Variants in PCDH15 observed in about 807,000 individuals in gnomAD.
PCDH15 encodes the protein protocadherin related 15.
Under a neutral mutation model 178.5 loss-of-function variants are expected in PCDH15, and 129 were observed. The observed-to-expected ratio is 0.72, with a 90% CI of 0.63 to 0.84. The LOEUF (loss-of-function observed/expected upper bound fraction) is 0.84. Among genes scored for constraint, PCDH15 ranks in the 40% least tolerant of loss-of-function variants. The probability of loss-of-function intolerance (pLI) is 0.00; values close to 1 mark genes in which losing one functional copy is unlikely to be tolerated. For missense variants in PCDH15, 2,230 were observed against 2,099.9 expected (o/e 1.06, Z -1.21); for synonymous variants, 800 against 732.0 (o/e 1.09, Z -1.50).
chr10:55,345,069 T>G (rs1178834180), intron 2 of PCDH15, among the ~76,000 whole-genome samples: 1 of 151,974 alleles, frequency 6.6e-6, no homozygotes, highest in Admixed American at 6.6e-5. Context: ...TCTCTTACTA[T>G]ATCTCTATAT....
chr10:54,664,787 T>C (rs1206876046), intron 1 of PCDH15, among the ~76,000 whole-genome samples: 2 of 151,864 alleles, frequency 1.3e-5, no homozygotes, highest in Admixed American at 6.6e-5. Context: ...GATCAGAGAT[T>C]GACTTAACTA....
chr10:55,159,136 T>C (rs1384730230), intron 2 of PCDH15, among the ~76,000 whole-genome samples: 4 of 151,848 alleles, frequency 2.6e-5, no homozygotes, highest in Admixed American at 6.6e-5. Context: ...ATATTTCAGA[T>C]CTTCTGACTG....
chr10:55,004,597 C>T (rs1360847252), intron 2 of PCDH15, among the ~76,000 whole-genome samples: 1 of 152,122 alleles, frequency 6.6e-6, no homozygotes, highest in Non-Finnish European at 1.5e-5. Context: ...TCTGTCTTAA[C>T]CCTCCCTAAT....
intron 2 of PCDH15, among the ~76,000 whole-genome samples, chr10:54,959,812 T>C (rs1188498033): frequency 1.3e-5 from 2 of 152,054 alleles, no homozygotes; most frequent in African/African-American, 2.4e-5. Context: ...CTTGTATAAA[T>C]GTCATGAAAA....
rs190181887 is a variant in PCDH15 at position 54,661,599 on chromosome 10, A to T, written c.91+2573T>A. ...AAAAAAGAGCCTTAATAGCCAAAGCAATCCTAAGAAGAAAGATGAAGTTGG... is the reference window on the plus strand; with the variant it reads ...AAAAAAGAGCCTTAATAGCCAAAGCTATCCTAAGAAGAAAGATGAAGTTGG... On this transcript the variant is annotated intron_variant, in intron 2 of 37. Coordinates refer to ENST00000644397, the MANE Select transcript of PCDH15 (RefSeq NM_001384140.1). Among the ~76,000 whole-genome samples, 10 of 152,152 alleles carry T rather than the reference A, an allele frequency of 6.6e-5. No homozygotes were observed. In the East Asian group the frequency reaches 1.9e-3, roughly 29 times the overall value.
intron 21 of PCDH15, among the ~76,000 whole-genome samples, chr10:53,989,376 A>G (rs947776396): frequency 6.6e-6 from 1 of 152,174 alleles, no homozygotes; most frequent in African/African-American, 2.4e-5. Flanking sequence ...CTAAATTAAA[A>G]GAGCATTATT....
intron 2 of PCDH15, among the ~76,000 whole-genome samples, chr10:55,428,136 G>A (rs889098642): frequency 3.3e-5 from 5 of 151,926 alleles, no homozygotes; most frequent in African/African-American, 1.2e-4. Flanking sequence ...GTAGAATGAA[G>A]TGTTTGACCT....
At chr10:54,170,466 C>T (rs1450918147) in intron 13 of PCDH15, among the ~76,000 whole-genome samples, 2 of 151,888 alleles carry the variant, frequency 1.3e-5, no homozygotes, top group African/African-American at 4.9e-5. Context: ...GCTCAACTCA[C>T]TCTCTACAGT....
intron 25 of PCDH15, among the ~76,000 whole-genome samples, chr10:53,922,336 T>C (rs770891919): frequency 1.3e-5 from 2 of 152,202 alleles, no homozygotes. Context: ...GAGTATTTCT[T>C]ATGTTACAAT....
chr10:54,868,641 T>C (rs186564779), intron 3 of PCDH15, among the ~76,000 whole-genome samples: 1 of 152,306 alleles, frequency 6.6e-6, no homozygotes, highest in Admixed American at 6.5e-5. Flanking sequence ...CTTCTCTTCT[T>C]TGTACAGCAA....
At chr10:55,422,642 CT>C (rs2132047292) in intron 2 of PCDH15, among the ~76,000 whole-genome samples, 1 of 151,838 alleles carries the variant, frequency 6.6e-6, no homozygotes, top group African/African-American at 2.4e-5. Context: ...ATCGAAAGAT[CT>C]TTTCCAACAT....
intron 2 of PCDH15, among the ~76,000 whole-genome samples, chr10:54,615,598 G>A (rs1159002351): frequency 6.6e-6 from 1 of 151,914 alleles, no homozygotes; most frequent in African/African-American, 2.4e-5. Flanking sequence ...TTGAGACACG[G>A]AGACAAATAA....
intron 1 of PCDH15, among the ~76,000 whole-genome samples, chr10:55,307,704 GTCT>G (rs1843468276): frequency 6.6e-6 from 1 of 151,034 alleles, no homozygotes; most frequent in Non-Finnish European, 1.5e-5. Context: ...TCTTCTGTTA[GTCT>G]TCTTGATCCA....
At chr10:54,051,192 G>C (rs1284507426) in intron 18 of PCDH15, among the ~76,000 whole-genome samples, 1 of 152,192 alleles carries the variant, frequency 6.6e-6, no homozygotes, top group Non-Finnish European at 1.5e-5. Context: ...ACAGAAAGTA[G>C]GGTTGCTGTA....
chr10:55,039,605 T>G (rs533721003), intron 2 of PCDH15, among the ~76,000 whole-genome samples: 110 of 152,170 alleles, frequency 7.2e-4, no homozygotes, highest in African/African-American at 2.4e-3. Context: ...GAGAAACTCA[T>G]GAATACTCCC....
intron 3 of PCDH15, among the ~76,000 whole-genome samples, chr10:54,421,619 T>C (rs1955325199): frequency 7.0e-6 from 1 of 142,834 alleles, no homozygotes; most frequent in Non-Finnish European, 1.5e-5. Flanking sequence ...GAAACTTCAA[T>C]GGTTTGTGTT....
intron 1 of PCDH15, among the ~76,000 whole-genome samples, chr10:55,201,882 T>A (rs1235513193): frequency 6.6e-6 from 1 of 152,170 alleles, no homozygotes; most frequent in Non-Finnish European, 1.5e-5. Flanking sequence ...TTTTTAAAAT[T>A]TTGCATAATA....
chr10:54,447,196 C>A (rs530868776), intron 3 of PCDH15, among the ~76,000 whole-genome samples: 1 of 151,706 alleles, frequency 6.6e-6, no homozygotes, highest in Admixed American at 6.6e-5. Flanking sequence ...GAATTTGGGT[C>A]TCTACAACAT....
chr10:54,753,899 T>TG (rs1946689753), intron 1 of PCDH15, among the ~76,000 whole-genome samples: 1 of 38,468 alleles, frequency 2.6e-5, no homozygotes, highest in Admixed American at 2.2e-4. Flanking sequence ...TTTGTGTTTT[T>TG]TTTTTTTTTT....
Sources: allele counts gnomAD v4.1 joint callset (sites outside exome capture counted in the v4.1 genomes callset), GRCh38; gene constraint gnomAD v4.1.1; transcripts MANE v1.5; gene names NCBI Gene and HGNC (gene_info 2026-07-23, HGNC 2026-07-21).